Variants in STAC observed in about 807,000 individuals in gnomAD.
The protein encoded by STAC is SH3 and cysteine-rich domain-containing protein.
In STAC, 43 loss-of-function variants were observed where a neutral mutation model predicts 48.8. That is an observed-to-expected ratio of 0.88 (90% CI 0.69 to 1.14). The LOEUF is 1.14. STAC is among the 50% of genes most tolerant of loss of function. The probability of loss-of-function intolerance (pLI) is 0.00; values close to 1 mark genes in which losing one functional copy is unlikely to be tolerated. For missense variants in STAC, 497 were observed against 504.0 expected (o/e 0.99, Z 0.13); for synonymous variants, 193 against 179.5 (o/e 1.07, Z -0.60).
chr3:36,419,119 G>T (rs79319818), intron 1 of STAC, among the ~76,000 whole-genome samples: 3,755 of 150,094 alleles, frequency 0.025, 71 homozygotes, highest in Non-Finnish European at 0.041. Context: ...TAACATAATT[G>T]TTTAAACTTC....
At chr3:36,486,278 T>G in intron 5 of STAC, 29 bp downstream of exon 5, 1 of 1,598,578 alleles carries the variant, frequency 6.3e-7, no homozygotes, top group South Asian at 1.1e-5. Context: ...CCTCGGTTTG[T>G]CTGTGGTGGT....
rs560066382 is a variant in STAC at position 36,546,433 on chromosome 3, T to C, written c.*144T>C. The C allele has an allele frequency of 3.9e-5, 27 of 690,446 alleles. No individual in the cohort carries two copies. The highest frequency in any genetic ancestry group is 6.7e-5 in the Non-Finnish European group (27 of 404,004). 42.8% of individuals were successfully genotyped at this position (690,446 alleles called of 1,614,324 possible). A position where few individuals can be genotyped will look rare whatever the true frequency, so the allele number is the denominator to read the frequency against. On this transcript the variant is annotated 3_prime_UTR_variant, in exon 11 of 11. Transcript: ENST00000273183. ...GACAAGAATCAAGTATCTGAGACTGTGGAGTAATAGCCACAAAACAGAGGG... is the reference window on the plus strand; with the variant it reads ...GACAAGAATCAAGTATCTGAGACTGCGGAGTAATAGCCACAAAACAGAGGG...
chr3:36,385,478 G>T (rs926033072), intron 1 of STAC, among the ~76,000 whole-genome samples: 5 of 152,002 alleles, frequency 3.3e-5, no homozygotes, highest in Admixed American at 6.6e-5. Context: ...AGAAAAAGTT[G>T]TATTATAGTC....
At chr3:36,466,416 G>T (rs556465765) in intron 2 of STAC, among the ~76,000 whole-genome samples, 337 of 152,054 alleles carry the variant, frequency 2.2e-3, no homozygotes, top group African/African-American at 7.8e-3. Flanking sequence ...TTCTAGGATT[G>T]TTTTTTTCTA....
chr3:36,500,361 T>C (rs148986697), intron 6 of STAC, among the ~76,000 whole-genome samples: 286 of 152,218 alleles, frequency 1.9e-3, no homozygotes, highest in African/African-American at 6.5e-3. Context: ...AACCAAACAC[T>C]GCATGTTCTC....
chr3:36,507,755 G>A (rs1698439212), intron 8 of STAC, among the ~76,000 whole-genome samples: 1 of 152,150 alleles, frequency 6.6e-6, no homozygotes, highest in Non-Finnish European at 1.5e-5. Flanking sequence ...TGTGGGGTCA[G>A]CAGTGATATC....
intron 8 of STAC, among the ~76,000 whole-genome samples, chr3:36,515,456 C>G (rs977413677): frequency 6.6e-6 from 1 of 151,948 alleles, no homozygotes; most frequent in African/African-American, 2.4e-5. Context: ...GTTTTGAAGA[C>G]TTCAGTGTTT....
chr3:36,439,709 G>A (rs957098304), intron 1 of STAC, among the ~76,000 whole-genome samples: 53 of 152,146 alleles, frequency 3.5e-4, no homozygotes, highest in South Asian at 6.2e-4. Flanking sequence ...TTGAAGTGAA[G>A]AGGGTCTGTA....
intron 1 of STAC, among the ~76,000 whole-genome samples, chr3:36,416,935 C>T (rs1342894458): frequency 1.3e-5 from 2 of 152,140 alleles, no homozygotes; most frequent in African/African-American, 2.4e-5. Context: ...CTGTTTATAA[C>T]CCCCATCACC....
intron 8 of STAC, among the ~76,000 whole-genome samples, chr3:36,511,317 A>C (rs899138217): frequency 6.6e-6 from 1 of 152,218 alleles, no homozygotes; most frequent in Non-Finnish European, 1.5e-5. Context: ...AAAGAAATTA[A>C]ACACATTGGT....
intron 1 of STAC, among the ~76,000 whole-genome samples, chr3:36,381,354 A>C (rs1376983917): frequency 6.6e-6 from 1 of 152,248 alleles, no homozygotes; most frequent in Admixed American, 6.5e-5. Context: ...ACACGTATAC[A>C]AAAAACCAAG....
chr3:36,546,353 A>G lies in STAC; in HGVS notation c.*64A>G. 7.0e-7 allele frequency: 1 copy of G among 1,433,226 alleles called. No homozygotes were observed. The highest frequency in any genetic ancestry group is 9.8e-7 in the Non-Finnish European group (1 of 1,016,076). The allele number at this position is 1,433,226 out of a possible 1,614,324, so 88.8% of individuals were successfully genotyped here. On this transcript the variant is annotated 3_prime_UTR_variant, in exon 11 of 11. Transcript: ENST00000273183. ...CTGCGATGCCTCTGCCTCATCTCAC[A>G]CTGCGTCAACCCAAAGGAGCTGCCG...
intron 8 of STAC, among the ~76,000 whole-genome samples, chr3:36,528,280 C>T (rs1698983801): frequency 6.6e-6 from 1 of 152,050 alleles, no homozygotes; most frequent in South Asian, 2.1e-4. Context: ...ACCATCCTGG[C>T]CAACATGGTG....
At chr3:36,510,470 G>A (rs1441233789) in intron 8 of STAC, among the ~76,000 whole-genome samples, 1 of 152,112 alleles carries the variant, frequency 6.6e-6, no homozygotes, top group African/African-American at 2.4e-5. Context: ...TATACCCAAA[G>A]GATTGTAAAT....
intron 10 of STAC, among the ~76,000 whole-genome samples, chr3:36,530,293 C>T (rs1172634801): frequency 6.6e-6 from 1 of 152,118 alleles, no homozygotes; most frequent in Non-Finnish European, 1.5e-5. Flanking sequence ...ATAAGGCTCG[C>T]CCTACAAGGA....
At chr3:36,431,691 G>C (rs1700709751) in intron 1 of STAC, among the ~76,000 whole-genome samples, 1 of 152,194 alleles carries the variant, frequency 6.6e-6, no homozygotes, top group Non-Finnish European at 1.5e-5. Context: ...AAAAGGGAGA[G>C]AGGTTTATAA....
chr3:36,442,685 G>A (rs1196745896), intron 1 of STAC, among the ~76,000 whole-genome samples: 5 of 150,250 alleles, frequency 3.3e-5, no homozygotes, highest in Non-Finnish European at 7.4e-5. Context: ...CAAGAGGGAG[G>A]GCAGCAGGAA....
In STAC at chr3:36,443,774, G is replaced by A. The variant is rs907745316; in HGVS notation, c.388+134G>A. 5.9e-6 allele frequency: 7 copies of A among 1,182,618 alleles called. No homozygotes were observed. In the African/African-American group the frequency reaches 1.1e-4, roughly 18 times the overall value. 73.3% of individuals were successfully genotyped at this position (1,182,618 alleles called of 1,614,324 possible). A position where few individuals can be genotyped will look rare whatever the true frequency, so the allele number is the denominator to read the frequency against. On this transcript the variant is annotated intron_variant, in intron 2 of 10. Coordinates refer to ENST00000273183, the MANE Select transcript of STAC (RefSeq NM_003149.3). This position sits in a 1 kb window ranked among gnomAD's most constrained non-coding sequence, Gnocchi z 4.2. Reference sequence around the variant, plus strand: ...TTACATGTGGGAAGATCATTCAGGAGTGCTTTGGGGAACAATATTTGTGAG... The same window carrying A: ...TTACATGTGGGAAGATCATTCAGGAATGCTTTGGGGAACAATATTTGTGAG...
At position 36,504,470 on chromosome 3, in the gene STAC, G is replaced by C. The variant is rs1359211427; in HGVS notation, c.831+13G>C. The C allele has an allele frequency of 1.9e-6, 3 of 1,613,016 alleles. No homozygotes were observed. Among genetic ancestry groups the C allele is most frequent in the Admixed American group, 1.7e-5 (1 of 59,878 alleles). On this transcript the variant is annotated intron_variant, in intron 7 of 10. Coordinates refer to ENST00000273183, the MANE Select transcript of STAC (RefSeq NM_003149.3). Reference sequence around the variant, plus strand: ...CATAAACCACCAGGTATTTATGGATGTCACAGAAGACAAGTCAGACAGGAG... The same window carrying C: ...CATAAACCACCAGGTATTTATGGATCTCACAGAAGACAAGTCAGACAGGAG...
Sources: gnomAD v4.1 joint callset for allele counts (sites outside exome capture counted in the v4.1 genomes callset) on GRCh38, gnomAD v4.1.1 for gene constraint, Gnocchi (gnomAD v3.1) non-coding constraint, MANE v1.5 for transcripts, NCBI Gene and HGNC (gene_info 2026-07-23, HGNC 2026-07-21) for gene names.